Variants in EXOC6B observed in about 807,000 individuals in gnomAD.
The protein encoded by EXOC6B is exocyst complex component 6B, also known as SEC15 homolog B.
A neutral mutation model predicts 113.5 loss-of-function variants in EXOC6B; 54 were observed. The observed-to-expected ratio is 0.48, with a 90% CI of 0.38 to 0.60. The LOEUF is 0.60. Ranked by LOEUF, EXOC6B falls within the 20% of genes least tolerant of loss-of-function variation. The pLI, the probability that EXOC6B is intolerant of heterozygous loss-of-function variation, is 0.00. For missense variants in EXOC6B, 797 were observed against 977.5 expected, an observed-to-expected ratio of 0.82 and a Z score of 2.46; for synonymous variants, 357 against 339.0, an observed-to-expected ratio of 1.05 and a Z score of -0.58.
At chr2:72,394,968 T>C (rs866551503) in intron 18 of EXOC6B, among the ~76,000 whole-genome samples, 5 of 151,954 alleles carry the variant, frequency 3.3e-5, no homozygotes, top group Admixed American at 6.6e-5. Context: ...CCAAGGATGA[T>C]CTGTAGAGGT....
At chr2:72,439,238 T>C (rs982310036) in intron 18 of EXOC6B, among the ~76,000 whole-genome samples, 1 of 152,218 alleles carries the variant, frequency 6.6e-6, no homozygotes, top group Admixed American at 6.5e-5. Flanking sequence ...TGGGGATATT[T>C]AACTAGGGTT....
chr2:72,613,339 T>C (rs1337376330), intron 6 of EXOC6B, among the ~76,000 whole-genome samples: 1 of 151,996 alleles, frequency 6.6e-6, no homozygotes, highest in Non-Finnish European at 1.5e-5. Context: ...TAGTCAGTTA[T>C]AATAAACAAC....
At chr2:72,502,450 A>G (rs1004456958) in intron 11 of EXOC6B, among the ~76,000 whole-genome samples, 31 of 152,198 alleles carry the variant, frequency 2.0e-4, no homozygotes, top group African/African-American at 6.5e-4. Flanking sequence ...CATGAGGCTG[A>G]GGCACGAGAA....
intron 21 of EXOC6B, among the ~76,000 whole-genome samples, chr2:72,183,201 T>A (rs1373038189): frequency 6.6e-6 from 1 of 152,174 alleles, no homozygotes; most frequent in African/African-American, 2.4e-5. Flanking sequence ...TGACTGGCCA[T>A]ATATGTAGAC....
intron 1 of EXOC6B, among the ~76,000 whole-genome samples, chr2:72,752,702 T>C (rs1319694192): frequency 6.6e-6 from 1 of 152,086 alleles, no homozygotes; most frequent in African/African-American, 2.4e-5. Context: ...ATCTGTTTCT[T>C]ACCTATAACC....
intron 18 of EXOC6B, among the ~76,000 whole-genome samples, chr2:72,445,048 T>C (rs1407550519): frequency 6.6e-6 from 1 of 152,176 alleles, no homozygotes; most frequent in Admixed American, 6.5e-5. Flanking sequence ...CCTTTTAAAA[T>C]GGAATGCTTT....
chr2:72,280,553 T>C (rs1685069814), intron 20 of EXOC6B, among the ~76,000 whole-genome samples: 1 of 152,196 alleles, frequency 6.6e-6, no homozygotes, highest in African/African-American at 2.4e-5. Context: ...AAGGTGGTAA[T>C]GACATCAGTT....
intron 18 of EXOC6B, among the ~76,000 whole-genome samples, chr2:72,381,719 A>G (rs191905565): frequency 2.0e-5 from 3 of 152,148 alleles, no homozygotes; most frequent in South Asian, 4.1e-4. Context: ...ACTCCCAAAT[A>G]TCCAGTTAAA....
intron 18 of EXOC6B, among the ~76,000 whole-genome samples, chr2:72,455,248 G>C (rs1370371450): frequency 6.6e-6 from 1 of 152,160 alleles, no homozygotes; most frequent in Non-Finnish European, 1.5e-5. Context: ...GCAGATGACA[G>C]AATTTCCACA....
In EXOC6B at chr2:72,341,945, T is replaced by C. The variant is rs1169741730; in HGVS notation, c.2123-6925A>G. Among the ~76,000 whole-genome samples the C allele has an allele frequency of 2.6e-5, 4 of 152,058 alleles. No homozygotes were observed. In the East Asian group the frequency reaches 7.7e-4, roughly 29 times the overall value. ...ACCAGAAATCAATAACAAGAAGTTA[T>C]AAAAACTCAGAAATATGTGGAAATT... On this transcript the variant is annotated intron_variant, in intron 19 of 21. Coordinates refer to ENST00000272427, the MANE Select transcript of EXOC6B (RefSeq NM_015189.3).
At chr2:72,823,603 G>A (rs1686725411) in intron 1 of EXOC6B, among the ~76,000 whole-genome samples, 1 of 151,864 alleles carries the variant, frequency 6.6e-6, no homozygotes, top group African/African-American at 2.4e-5. Context: ...GGGCAACATG[G>A]TGAAACCCCA....
At chr2:72,746,909 C>G (rs1186925498) in intron 1 of EXOC6B, among the ~76,000 whole-genome samples, 1 of 151,990 alleles carries the variant, frequency 6.6e-6, no homozygotes, top group African/African-American at 2.4e-5. Flanking sequence ...AGACAAAGCT[C>G]TCATTGTACA....
chr2:72,527,397 T>C (rs1027278527), intron 8 of EXOC6B, among the ~76,000 whole-genome samples: 1 of 151,972 alleles, frequency 6.6e-6, no homozygotes, highest in African/African-American at 2.4e-5. Flanking sequence ...TTTATATTGC[T>C]GTGTAGTATT....
chr2:72,228,951 C>T (rs929865616), intron 20 of EXOC6B, among the ~76,000 whole-genome samples: 4 of 152,180 alleles, frequency 2.6e-5, no homozygotes, highest in East Asian at 1.9e-4. Context: ...TTTTAATGAT[C>T]GCTATTCTAA....
At chr2:72,496,989 T>G (rs1573258105) in intron 13 of EXOC6B, among the ~76,000 whole-genome samples, 1 of 131,752 alleles carries the variant, frequency 7.6e-6, no homozygotes, top group Admixed American at 7.5e-5. Flanking sequence ...ATTATTATTA[T>G]TAGAGACAGG....
At chr2:72,615,359 C>T (rs552995924) in intron 6 of EXOC6B, among the ~76,000 whole-genome samples, 1 of 152,048 alleles carries the variant, frequency 6.6e-6, no homozygotes, top group East Asian at 1.9e-4. Flanking sequence ...CTTCAAAAGT[C>T]CAACTTCAGT....
chr2:72,448,075 G>A (rs1558676436), intron 18 of EXOC6B, among the ~76,000 whole-genome samples: 2 of 151,994 alleles, frequency 1.3e-5, no homozygotes, highest in Non-Finnish European at 2.9e-5. Context: ...TTCCTTATGT[G>A]CCATTTAAGG....
chr2:72,623,059 G>T (rs886306164), intron 6 of EXOC6B, among the ~76,000 whole-genome samples: 4 of 152,110 alleles, frequency 2.6e-5, no homozygotes, highest in Non-Finnish European at 5.9e-5. Flanking sequence ...CTTGATCTGG[G>T]TGCTGGTCAA....
At chr2:72,335,458 A>G (rs1490722905) in intron 19 of EXOC6B, among the ~76,000 whole-genome samples, 4 of 151,776 alleles carry the variant, frequency 2.6e-5, no homozygotes, top group Non-Finnish European at 5.9e-5. Flanking sequence ...TTGTCACCTC[A>G]TTCCCCAAGC....
Sources: allele counts gnomAD v4.1 joint callset (sites outside exome capture counted in the v4.1 genomes callset), GRCh38; gene constraint gnomAD v4.1.1; transcripts MANE v1.5; gene names NCBI Gene and HGNC (gene_info 2026-07-23, HGNC 2026-07-21).